GTF2A1L: variants seen among roughly 807,000 people sequenced by gnomAD.
GTF2A1L encodes general transcription factor IIA subunit 1 like, also known as TFIIA-alpha and beta-like factor.
A neutral mutation model predicts 49.7 loss-of-function variants in GTF2A1L; 48 were observed. That is an observed-to-expected ratio of 0.97 (90% CI 0.77 to 1.23). The LOEUF is 1.23. Among genes scored for constraint, GTF2A1L ranks in the 50% most tolerant of loss-of-function variants. The pLI is 0.00. For missense variants in GTF2A1L, 736 were observed against 564.8 expected (o/e 1.30, Z -3.07); for synonymous variants, 246 against 193.5 (o/e 1.27, Z -2.25).
At chr2:48,633,121 C>G in intron 3 of GTF2A1L, 1 of 273,016 alleles carries the variant, frequency 3.7e-6, no homozygotes, top group South Asian at 4.8e-5. Context: ...AAGTTTGTTT[C>G]CTGCAAGTGA....
intron 6 of GTF2A1L, among the ~76,000 whole-genome samples, chr2:48,659,557 T>C: frequency 6.6e-6 from 1 of 152,114 alleles, no homozygotes; most frequent in East Asian, 1.9e-4. Context: ...TTAGATGGCT[T>C]TGGATAATAT....
intron 8 of GTF2A1L, among the ~76,000 whole-genome samples, chr2:48,671,912 T>C (rs1208741356): frequency 1.3e-5 from 2 of 152,198 alleles, no homozygotes; most frequent in Admixed American, 6.5e-5. Flanking sequence ...TGAAACAAGA[T>C]GTTTCTTTTG....
intron 8 of GTF2A1L, among the ~76,000 whole-genome samples, chr2:48,675,498 T>G (rs1051930947): frequency 2.6e-5 from 4 of 152,080 alleles, no homozygotes; most frequent in Admixed American, 6.6e-5. Context: ...AAGGGCTAAA[T>G]GAAGGCCACT....
chr2:48,640,873 A>G (rs1677161202), intron 3 of GTF2A1L, among the ~76,000 whole-genome samples: 1 of 150,516 alleles, frequency 6.6e-6, no homozygotes, highest in South Asian at 2.1e-4. Flanking sequence ...AAAATAAGTT[A>G]TTATTTTTAT....
At chr2:48,639,940 G>GA (rs35713058) in intron 3 of GTF2A1L, among the ~76,000 whole-genome samples, 1 of 152,122 alleles carries the variant, frequency 6.6e-6, no homozygotes, top group Non-Finnish European at 1.5e-5. Context: ...ACAAGCATAT[G>GA]AAAAAAAGCT....
intron 6 of GTF2A1L, among the ~76,000 whole-genome samples, chr2:48,650,567 G>T (rs913642603): frequency 6.6e-6 from 1 of 152,006 alleles, no homozygotes; most frequent in South Asian, 2.1e-4. Context: ...ATCAATAATT[G>T]ACTTTAGAAT....
intron 3 of GTF2A1L, among the ~76,000 whole-genome samples, chr2:48,637,388 G>T (rs933216696): frequency 1.1e-4 from 17 of 152,100 alleles, no homozygotes; most frequent in African/African-American, 3.4e-4. Context: ...TTGAATTCTT[G>T]CTATGTTAAA....
intron 6 of GTF2A1L, among the ~76,000 whole-genome samples, chr2:48,652,893 A>T (rs1677938410): frequency 6.6e-6 from 1 of 151,230 alleles, no homozygotes; most frequent in Non-Finnish European, 1.5e-5. Context: ...CGGGGGTTTC[A>T]CCGTGTTGGC....
Position 48,624,465 on chromosome 2 carries a change from TAG to T in GTF2A1L, c.247+3177_247+3178del, listed in dbSNP as rs553218925. Reference sequence around the variant, plus strand: ...GTTCACCATAGTGCTTTGATATAGATAGATAGATAGATAGATAGATAGTGAAG... The same window carrying T: ...GTTCACCATAGTGCTTTGATATAGATATAGATAGATAGATAGATAGTGAAG... On this transcript the variant is annotated intron_variant, in intron 3 of 8. Transcript: ENST00000403751. 6.1e-4 allele frequency among the ~76,000 whole-genome samples: 88 copies of T among 143,378 alleles called. 14 individuals are homozygous for T. In the South Asian group the frequency reaches 0.02, roughly 33 times the overall value. The allele number at this position is 143,378 out of a possible 152,430, so 94.1% of individuals were successfully genotyped here.
Position 48,679,501 on chromosome 2 carries a change from T to C in GTF2A1L, c.*59T>C. The C allele has an allele frequency of 6.3e-7, 1 of 1,593,112 alleles. No homozygotes were observed. The highest frequency in any genetic ancestry group is 8.5e-7 in the Non-Finnish European group (1 of 1,173,392). On this transcript the variant is annotated 3_prime_UTR_variant, in exon 9 of 9. Coordinates refer to ENST00000403751, the MANE Select transcript of GTF2A1L (RefSeq NM_006872.5). ...ATCAGTTGGATTATATTGCATATTG[T>C]GAATTCATTTTTATTTTGAATATAG... is the stretch of plus-strand genomic sequence containing the variant.
In GTF2A1L at chr2:48,669,768, A is replaced by T. The variant is rs775409672; in HGVS notation, c.1025A>T (p.Asp342Val). The T allele has an allele frequency of 3.1e-6, 5 of 1,613,794 alleles. No homozygotes were observed. The highest frequency in any genetic ancestry group is 4.2e-6 in the Non-Finnish European group (5 of 1,179,942). ...TTAAGCATTCGGGTTACTGATGATG[A>T]TATTGGTGAAATAATTCAAGTAGAT... ...VDLSIRVTDDDIGEIIQVDGS... is the reference protein window; with the variant it reads ...VDLSIRVTDDVIGEIIQVDGS... The change falls in exon 7 of 9, where the codon GAT (aspartate) becomes GTT (valine). Residue 342 changes from aspartate (D) to valine (V), a missense_variant. By Grantham distance (152) the Asp-to-Val change is radical. Coordinates refer to ENST00000403751, the MANE Select transcript of GTF2A1L (RefSeq NM_006872.5).
At chr2:48,623,424 A>C (rs1292104503) in intron 3 of GTF2A1L, among the ~76,000 whole-genome samples, 1 of 152,180 alleles carries the variant, frequency 6.6e-6, no homozygotes, top group South Asian at 2.1e-4. Flanking sequence ...AAACTGAAAA[A>C]CAGATGTTGG....
At chr2:48,663,993 C>G (rs1212107567) in intron 6 of GTF2A1L, among the ~76,000 whole-genome samples, 1 of 152,096 alleles carries the variant, frequency 6.6e-6, no homozygotes, top group Non-Finnish European at 1.5e-5. Flanking sequence ...GTAAATTGAC[C>G]TAATATCCTG....
intron 8 of GTF2A1L, among the ~76,000 whole-genome samples, chr2:48,676,861 C>T (rs1015845601): frequency 1.3e-5 from 2 of 150,898 alleles, no homozygotes; most frequent in African/African-American, 4.9e-5. Flanking sequence ...TATCTATATA[C>T]TCAAGTCTTG....
In GTF2A1L at chr2:48,661,030, A is replaced by C. The variant is rs377315027; in HGVS notation, c.979-8692A>C. On this transcript the variant is annotated intron_variant, in intron 6 of 8. Transcript: ENST00000403751. ...TTTTATTGATCTTTTTGAAGAAGCA[A>C]CTCTTGGTTTTGTTGATTTTTCTCC... 9.9e-5 allele frequency among the ~76,000 whole-genome samples: 15 copies of C among 151,902 alleles called. No homozygotes were observed. In the East Asian group the frequency reaches 2.3e-3, roughly 24 times the overall value.
chr2:48,658,941 T>A (rs977037851), intron 6 of GTF2A1L, among the ~76,000 whole-genome samples: 3 of 152,126 alleles, frequency 2.0e-5, no homozygotes. Flanking sequence ...TCTCCTTAAC[T>A]TATGAAGCTT....
chr2:48,664,525 GT>G (rs1281730095), intron 6 of GTF2A1L, among the ~76,000 whole-genome samples: 1 of 152,000 alleles, frequency 6.6e-6, no homozygotes, highest in East Asian at 1.9e-4. Flanking sequence ...CTGGTCTGTA[GT>G]TTTGTTATTT....
rs113066598 is a variant in GTF2A1L, at chr2:48,674,905, A to G, written c.1329+3225A>G. On this transcript the variant is annotated intron_variant, in intron 8 of 8. Transcript: ENST00000403751. ...TCTACTTAGTGAATATTTTAAGAACAGTGGTAAAAAATTAATGGAAAGCAG... is the reference window on the plus strand; with the variant it reads ...TCTACTTAGTGAATATTTTAAGAACGGTGGTAAAAAATTAATGGAAAGCAG... Among the ~76,000 whole-genome samples the G allele has an allele frequency of 1.3e-3, 200 of 152,288 alleles. 1 individual carries two copies. Among genetic ancestry groups the G allele is most frequent in the Non-Finnish European group, 1.9e-3 (131 of 68,024 alleles).
intron 6 of GTF2A1L, among the ~76,000 whole-genome samples, chr2:48,663,133 G>A (rs752054385): frequency 3.1e-4 from 47 of 151,954 alleles, no homozygotes; most frequent in Non-Finnish European, 5.2e-4. Context: ...AAAATATTAC[G>A]CATTCTAAAC....
Sources: allele counts gnomAD v4.1 joint callset (sites outside exome capture counted in the v4.1 genomes callset), GRCh38; gene constraint gnomAD v4.1.1; transcripts MANE v1.5; gene names NCBI Gene and HGNC (gene_info 2026-07-23, HGNC 2026-07-21).